ANO10: variants seen among roughly 807,000 people sequenced by gnomAD.
The protein encoded by ANO10 is anoctamin-10.
In ANO10, 77 loss-of-function variants were observed where a neutral mutation model predicts 74.7. The ratio of observed to expected loss-of-function variants is 1.03; its 90% CI spans 0.86 to 1.25. ANO10 has a LOEUF of 1.25. Ranked by LOEUF, ANO10 falls within the 50% of genes most tolerant of loss-of-function variation. The pLI is 0.00. For missense variants in ANO10, 721 were observed against 778.1 expected (o/e 0.93, Z 0.87); for synonymous variants, 279 against 284.9 (o/e 0.98, Z 0.21).
chr3:43,572,886 A>G (rs576374679), intron 7 of ANO10, among the ~76,000 whole-genome samples: 1 of 152,320 alleles, frequency 6.6e-6, no homozygotes, highest in East Asian at 1.9e-4. Context: ...TTAGAGCAGA[A>G]GTTGAAAAGC....
rs140162161 is a variant in ANO10, at chr3:43,599,634, G to A, written c.337+750C>T. On this transcript the variant is annotated intron_variant, in intron 3 of 12. Coordinates refer to ENST00000292246, the MANE Select transcript of ANO10 (RefSeq NM_018075.5). ...GAAAATATAATACTTGGCCAGGCGCGGTGGCTCATGCCTGTAATCTCAGCA... is the reference window on the plus strand; with the variant it reads ...GAAAATATAATACTTGGCCAGGCGCAGTGGCTCATGCCTGTAATCTCAGCA... 3.2e-3 allele frequency among the ~76,000 whole-genome samples: 487 copies of A among 152,146 alleles called. 3 individuals are homozygous for A. Among genetic ancestry groups the A allele is most frequent in the African/African-American group, 0.011 (453 of 41,536 alleles).
intron 11 of ANO10, among the ~76,000 whole-genome samples, chr3:43,477,370 C>T (rs1559589619): frequency 6.6e-6 from 1 of 152,170 alleles, no homozygotes; most frequent in Non-Finnish European, 1.5e-5. Flanking sequence ...CTCAAACAAA[C>T]ATTTACTGAG....
At chr3:43,605,946 T>C in intron 1 of ANO10, 83 bp from the exon 2 acceptor site, 2 of 1,477,596 alleles carry the variant, frequency 1.4e-6, no homozygotes, top group East Asian at 2.3e-5. Context: ...TTTCTCCCAA[T>C]TATACCTAAT....
intron 11 of ANO10, among the ~76,000 whole-genome samples, chr3:43,492,962 A>G (rs2076781085): frequency 6.6e-6 from 1 of 152,228 alleles, no homozygotes; most frequent in South Asian, 2.1e-4. Flanking sequence ...ATTACAAATC[A>G]TTGTACTATA....
intron 12 of ANO10, among the ~76,000 whole-genome samples, chr3:43,395,960 T>C (rs1001439335): frequency 4.6e-5 from 7 of 152,222 alleles, no homozygotes; most frequent in Non-Finnish European, 1.0e-4. Context: ...AAATGACGAC[T>C]TCTAGTTTCT....
chr3:43,633,527 G>A (rs2083571874), intron 1 of ANO10, among the ~76,000 whole-genome samples: 1 of 152,128 alleles, frequency 6.6e-6, no homozygotes, highest in Non-Finnish European at 1.5e-5. Flanking sequence ...CTAGAATAAA[G>A]CCATTGAAGT....
At chr3:43,431,995 C>A (rs2092989625) in intron 12 of ANO10, among the ~76,000 whole-genome samples, 1 of 152,052 alleles carries the variant, frequency 6.6e-6, no homozygotes, top group Non-Finnish European at 1.5e-5. Flanking sequence ...TCTCTCATTT[C>A]TTAAATTCCT....
intron 1 of ANO10, among the ~76,000 whole-genome samples, chr3:43,634,649 G>A (rs1050260620): frequency 1.6e-4 from 25 of 152,070 alleles, no homozygotes; most frequent in African/African-American, 4.6e-4. Context: ...AGTGCCTTTC[G>A]GAATTCTTGC....
At chr3:43,524,395 G>C (rs759596015) in intron 11 of ANO10, among the ~76,000 whole-genome samples, 36 of 47,818 alleles carry the variant, frequency 7.5e-4, no homozygotes, top group Non-Finnish European at 7.2e-4. Context: ...TGTAGATCCT[G>C]AGAGCTGTCT....
chr3:43,577,714 C>T (rs757634333), intron 5 of ANO10, among the ~76,000 whole-genome samples: 3 of 152,318 alleles, frequency 2.0e-5, no homozygotes, highest in Admixed American at 6.5e-5. Context: ...CAAAATTCTG[C>T]TCTTCCCTAC....
intron 1 of ANO10, among the ~76,000 whole-genome samples, chr3:43,635,841 C>T (rs986914134): frequency 2.0e-5 from 3 of 151,860 alleles, no homozygotes; most frequent in South Asian, 2.1e-4. Context: ...AGGATGGTCT[C>T]GATAGCCTGA....
chr3:43,585,446 A>C (rs771429050), intron 4 of ANO10, among the ~76,000 whole-genome samples: 1 of 152,216 alleles, frequency 6.6e-6, no homozygotes, highest in Non-Finnish European at 1.5e-5. Flanking sequence ...CAGACTGGCT[A>C]CCTACACAGT....
At chr3:43,580,538 A>C in intron 4 of ANO10, 66 bp from the exon 5 acceptor site, 1 of 1,594,904 alleles carries the variant, frequency 6.3e-7, no homozygotes, top group Non-Finnish European at 8.5e-7. Context: ...ACGCTTCAGC[A>C]AATACTATAA....
intron 1 of ANO10, among the ~76,000 whole-genome samples, chr3:43,610,576 G>A (rs1157972810): frequency 6.6e-6 from 1 of 152,174 alleles, no homozygotes; most frequent in East Asian, 1.9e-4. Flanking sequence ...GTCAGCAGGT[G>A]ACACGAATTT....
At position 43,596,436 on chromosome 3, in the gene ANO10, C is replaced by G. The variant is rs1293213948; in HGVS notation, c.472+2096G>C. ...AGAAATATAGACCAATGGAACAGAA[C>G]AGAGCCCTCAGAAATAATGCCACAC... On this transcript the variant is annotated intron_variant, in intron 4 of 12. Coordinates refer to ENST00000292246, the MANE Select transcript of ANO10 (RefSeq NM_018075.5). 2.0e-5 allele frequency among the ~76,000 whole-genome samples: 3 copies of G among 152,068 alleles called. No homozygotes were observed. The East Asian group carries it at 5.8e-4, about 29-fold the overall frequency.
intron 12 of ANO10, among the ~76,000 whole-genome samples, chr3:43,371,103 G>C (rs762830959): frequency 3.9e-5 from 6 of 152,078 alleles, no homozygotes; most frequent in Non-Finnish European, 8.8e-5. Context: ...ACTACCATTT[G>C]ATTACATCTC....
chr3:43,561,473 A>G (rs1004070473), intron 8 of ANO10, 71 bp from the exon 9 acceptor site: 14 of 1,344,190 alleles, frequency 1.0e-5, no homozygotes, highest in African/African-American at 1.5e-5. Context: ...TATAAATTAT[A>G]TATAAATTAA....
intron 7 of ANO10, among the ~76,000 whole-genome samples, chr3:43,572,265 G>A (rs969869030): frequency 6.6e-6 from 1 of 152,178 alleles, no homozygotes; most frequent in African/African-American, 2.4e-5. Flanking sequence ...GTTTCCTGGG[G>A]AAGTGCTCTT....
At chr3:43,627,083 T>A (rs573855019) in intron 1 of ANO10, among the ~76,000 whole-genome samples, 68 of 152,340 alleles carry the variant, frequency 4.5e-4, no homozygotes, top group Non-Finnish European at 9.3e-4. Context: ...TATGCTTAGA[T>A]TCATAGCATC....
Sources: allele counts gnomAD v4.1 joint callset (sites outside exome capture counted in the v4.1 genomes callset), GRCh38; gene constraint gnomAD v4.1.1; transcripts MANE v1.5; gene names NCBI Gene and HGNC (gene_info 2026-07-23, HGNC 2026-07-21).